The following SEMA3C variants were observed in gnomAD, a reference collection of about 807,000 sequenced individuals.
SEMA3C encodes semaphorin-3C.
In SEMA3C, 47 loss-of-function variants were observed where a neutral mutation model predicts 89.4. The ratio of observed to expected loss-of-function variants is 0.53; its 90% CI spans 0.42 to 0.67. SEMA3C has a LOEUF of 0.67. SEMA3C is among the 30% of genes least tolerant of loss of function. The pLI, the probability that SEMA3C is intolerant of heterozygous loss-of-function variation, is 0.00. For synonymous variants in SEMA3C, 310 were observed against 320.2 expected (o/e 0.97, Z 0.34); for missense variants, 839 against 929.1 (o/e 0.90, Z 1.26).
intron 12 of SEMA3C, among the ~76,000 whole-genome samples, chr7:80,772,706 T>G (rs6946872): frequency 0.031 from 4,761 of 151,722 alleles, 245 homozygotes; most frequent in African/African-American, 0.1. Flanking sequence ...ATGTTTTTTT[T>G]TTTGTTTGTT....
intron 2 of SEMA3C, among the ~76,000 whole-genome samples, chr7:80,909,244 A>G (rs1166485297): frequency 6.6e-6 from 1 of 152,282 alleles, no homozygotes; most frequent in Non-Finnish European, 1.5e-5. Context: ...TTCTACATAG[A>G]GTTAAGGTTT....
intron 12 of SEMA3C, among the ~76,000 whole-genome samples, chr7:80,787,442 G>T (rs1356799554): frequency 6.6e-6 from 1 of 150,806 alleles, no homozygotes; most frequent in African/African-American, 2.4e-5. Flanking sequence ...CAGACCCTCA[G>T]GGAATACCCA....
chr7:80,869,411 T>G lies in SEMA3C; in HGVS notation c.104-40666A>C, dbSNP rs79757548. ...AGATACAAATTTGCTGTGTGCCCTTTAATATTTATAGCCCATAACAACTCT... is the reference window on the plus strand; with the variant it reads ...AGATACAAATTTGCTGTGTGCCCTTGAATATTTATAGCCCATAACAACTCT... On this transcript the variant is annotated intron_variant, in intron 2 of 17. Transcript: ENST00000265361. Among the ~76,000 whole-genome samples the G allele has an allele frequency of 3.5e-3, 536 of 152,314 alleles. 9 individuals carry two copies. Among genetic ancestry groups the G allele is most frequent in the East Asian group, 0.035 (179 of 5,180 alleles).
intron 2 of SEMA3C, among the ~76,000 whole-genome samples, chr7:80,863,393 T>C (rs146187988): frequency 5.0e-4 from 75 of 150,456 alleles, no homozygotes; most frequent in African/African-American, 1.8e-3. Flanking sequence ...CAGGCAACAC[T>C]TCTACACTAC....
At chr7:80,789,975 C>T (rs950683937) in intron 11 of SEMA3C, among the ~76,000 whole-genome samples, 1 of 152,064 alleles carries the variant, frequency 6.6e-6, no homozygotes, top group African/African-American at 2.4e-5. Context: ...GATCTGCCCT[C>T]CCAAAAGAGA....
intron 1 of SEMA3C, among the ~76,000 whole-genome samples, chr7:80,917,590 A>G (rs954000089): frequency 2.8e-4 from 43 of 152,200 alleles, no homozygotes; most frequent in African/African-American, 1.0e-3. Context: ...GCTTCAAACT[A>G]TAGATATAAA....
chr7:80,861,916 C>T (rs1225707073), intron 2 of SEMA3C, among the ~76,000 whole-genome samples: 1 of 152,074 alleles, frequency 6.6e-6, no homozygotes, highest in Non-Finnish European at 1.5e-5. Context: ...AAACTCTCAG[C>T]AAAATCGACA....
chr7:80,850,855 A>G (rs949937870), intron 2 of SEMA3C, among the ~76,000 whole-genome samples: 2 of 152,168 alleles, frequency 1.3e-5, no homozygotes, highest in African/African-American at 4.8e-5. Context: ...GTTGTAACTA[A>G]TTACTACAGG....
chr7:80,878,717 G>A (rs921243817), intron 2 of SEMA3C, among the ~76,000 whole-genome samples: 2 of 152,040 alleles, frequency 1.3e-5, no homozygotes, highest in African/African-American at 2.4e-5. Flanking sequence ...AAAAATATTG[G>A]GTTCAGGAGG....
chr7:80,829,296 T>C (rs1398971530), intron 2 of SEMA3C, among the ~76,000 whole-genome samples: 1 of 152,150 alleles, frequency 6.6e-6, no homozygotes, highest in African/African-American at 2.4e-5. Flanking sequence ...TTTGCAATAA[T>C]CTCAACTCTG....
chr7:80,749,088 A>G (rs1394533990), intron 16 of SEMA3C, 60 bp from the exon 17 acceptor site: 2 of 1,506,120 alleles, frequency 1.3e-6, no homozygotes, highest in Non-Finnish European at 1.8e-6. Flanking sequence ...TTTAGAGCAC[A>G]TTCTCCTGTA....
chr7:80,875,668 G>T (rs536770284), intron 2 of SEMA3C, among the ~76,000 whole-genome samples: 22 of 151,816 alleles, frequency 1.4e-4, no homozygotes, highest in African/African-American at 5.3e-4. Context: ...TCCACTACCC[G>T]CCTATTACTC....
intron 11 of SEMA3C, among the ~76,000 whole-genome samples, chr7:80,795,745 G>C (rs1238529692): frequency 5.3e-5 from 8 of 152,162 alleles, no homozygotes; most frequent in African/African-American, 1.9e-4. Context: ...CTTTTAAGTT[G>C]TCACGTGGGT....
intron 14 of SEMA3C, among the ~76,000 whole-genome samples, chr7:80,760,995 C>A (rs1788170649): frequency 6.6e-6 from 1 of 152,096 alleles, no homozygotes; most frequent in Non-Finnish European, 1.5e-5. Flanking sequence ...TGGAATTGTA[C>A]TTTTTATTTC....
At chr7:80,861,238 A>G (rs1790763872) in intron 2 of SEMA3C, among the ~76,000 whole-genome samples, 1 of 152,148 alleles carries the variant, frequency 6.6e-6, no homozygotes, top group East Asian at 1.9e-4. Context: ...AGAAATACAT[A>G]TTTTTTATAC....
chr7:80,912,895 T>C (rs147199078), intron 2 of SEMA3C, among the ~76,000 whole-genome samples: 1,525 of 152,344 alleles, frequency 0.01, 16 homozygotes, highest in Non-Finnish European at 0.014. Flanking sequence ...CAATTTATTA[T>C]TTTCAGTTTA....
chr7:80,905,214 G>T (rs1791977888), intron 2 of SEMA3C, among the ~76,000 whole-genome samples: 1 of 130,546 alleles, frequency 7.7e-6, no homozygotes, highest in Admixed American at 7.9e-5. Context: ...GAGGGAGGTA[G>T]GGAGAGACAG....
intron 2 of SEMA3C, among the ~76,000 whole-genome samples, chr7:80,889,581 T>C (rs866707512): frequency 8.5e-5 from 13 of 152,272 alleles, no homozygotes; most frequent in Admixed American, 1.3e-4. Context: ...AGATGTATTA[T>C]GCATTATTAG....
chr7:80,761,627 A>C lies in SEMA3C; in HGVS notation c.1474T>G (p.Ser492Ala). Reference sequence around the variant, plus strand: ...AGCTTAGTTTTTACCTTTTTAGATGAAATTTTCATTGTTGTTATAGGAGCA... The same window carrying C: ...AGCTTAGTTTTTACCTTTTTAGATGCAATTTTCATTGTTGTTATAGGAGCA... ...NHAPITTMKI[S>A]SKKQQLYVSS... is the part of the protein sequence containing the mutation. Residue 492 changes from serine to alanine, a missense_variant, in exon 14 of 18, where the codon TCA becomes GCA. Transcript: ENST00000265361. 7.5e-7 allele frequency: 1 copy of C among 1,341,206 alleles called. No individual in the cohort carries two copies. The highest frequency in any genetic ancestry group is 1.3e-5 in the South Asian group (1 of 77,270). 83.1% of individuals were successfully genotyped at this position (1,341,206 alleles called of 1,614,324 possible).
Sources: allele counts gnomAD v4.1 joint callset (sites outside exome capture counted in the v4.1 genomes callset), GRCh38; gene constraint gnomAD v4.1.1; transcripts MANE v1.5; gene names NCBI Gene and HGNC (gene_info 2026-07-23, HGNC 2026-07-21).